ADAMTS12: variants seen among roughly 807,000 people sequenced by gnomAD.
The protein encoded by ADAMTS12 is A disintegrin and metalloproteinase with thrombospondin motifs 12.
ADAMTS12 carries 118 observed loss-of-function variants against 167.8 expected under a neutral mutation model. The observed-to-expected ratio is 0.70, with a 90% CI of 0.61 to 0.82. The LOEUF (loss-of-function observed/expected upper bound fraction) is 0.82. Among genes scored for constraint, ADAMTS12 ranks in the 40% least tolerant of loss-of-function variants. The pLI, the probability that ADAMTS12 is intolerant of heterozygous loss-of-function variation, is 0.00. For missense variants in ADAMTS12, 1,916 were observed against 1,998.8 expected (o/e 0.96, Z 0.79); for synonymous variants, 704 against 716.9 (o/e 0.98, Z 0.29).
chr5:33,661,495 T>C (rs1335812080), intron 6 of ADAMTS12, among the ~76,000 whole-genome samples: 3 of 152,212 alleles, frequency 2.0e-5, no homozygotes, highest in Admixed American at 2.0e-4. Flanking sequence ...TACAGATTTC[T>C]GTAAAGATAT....
chr5:33,718,842 T>C (rs1408171295), intron 3 of ADAMTS12, among the ~76,000 whole-genome samples: 2 of 152,200 alleles, frequency 1.3e-5, no homozygotes, highest in African/African-American at 2.4e-5. Context: ...CCTGAAAATA[T>C]TGCATGCACT....
At chr5:33,884,477 G>A (rs1326492561) in intron 1 of ADAMTS12, among the ~76,000 whole-genome samples, 1 of 152,130 alleles carries the variant, frequency 6.6e-6, no homozygotes, top group Admixed American at 6.5e-5. Context: ...AGTATTTTAA[G>A]GCTAAAATGC....
At chr5:33,767,975 A>T (rs977589776) in intron 2 of ADAMTS12, among the ~76,000 whole-genome samples, 2 of 152,242 alleles carry the variant, frequency 1.3e-5, no homozygotes, top group Non-Finnish European at 2.9e-5. Flanking sequence ...GCAACAGTAC[A>T]GGGTGAGAGA....
At chr5:33,888,957 C>T (rs2111808532) in intron 1 of ADAMTS12, among the ~76,000 whole-genome samples, 1 of 152,282 alleles carries the variant, frequency 6.6e-6, no homozygotes, top group African/African-American at 2.4e-5. Context: ...CATACTCCTT[C>T]CAACGACTAA....
chr5:33,747,206 G>C (rs535206128), intron 3 of ADAMTS12, among the ~76,000 whole-genome samples: 4 of 152,208 alleles, frequency 2.6e-5, no homozygotes, highest in Admixed American at 2.0e-4. Context: ...AGCAAACAAA[G>C]TAAGTAAAGT....
chr5:33,616,778 T>C (rs190123026), intron 14 of ADAMTS12, among the ~76,000 whole-genome samples: 1 of 152,338 alleles, frequency 6.6e-6, no homozygotes, highest in Non-Finnish European at 1.5e-5. Flanking sequence ...AAAAGCATCA[T>C]AGGTTGACAT....
chr5:33,798,110 C>A (rs1241914547), intron 2 of ADAMTS12, among the ~76,000 whole-genome samples: 1 of 151,996 alleles, frequency 6.6e-6, no homozygotes, highest in Non-Finnish European at 1.5e-5. Context: ...AAAACAAGTA[C>A]ATTTTAAGTT....
At chr5:33,643,210 T>C (rs918257876) in intron 10 of ADAMTS12, among the ~76,000 whole-genome samples, 168 bp downstream of exon 10, 1 of 152,188 alleles carries the variant, frequency 6.6e-6, no homozygotes, top group Non-Finnish European at 1.5e-5. Context: ...CAAAGCAGGT[T>C]CACCAGGAGT....
At chr5:33,735,534 G>C (rs1744338868) in intron 3 of ADAMTS12, among the ~76,000 whole-genome samples, 1 of 152,148 alleles carries the variant, frequency 6.6e-6, no homozygotes, top group Non-Finnish European at 1.5e-5. Flanking sequence ...TAGCTATCAG[G>C]CTGTACAAAA....
At chr5:33,817,481 T>C (rs1177736127) in intron 2 of ADAMTS12, among the ~76,000 whole-genome samples, 1 of 152,172 alleles carries the variant, frequency 6.6e-6, no homozygotes. Flanking sequence ...GTTCTTTATA[T>C]TGTTATTATG....
intron 18 of ADAMTS12, among the ~76,000 whole-genome samples, chr5:33,581,389 G>A (rs548459772): frequency 1.6e-4 from 25 of 152,228 alleles, no homozygotes; most frequent in African/African-American, 3.1e-4. Flanking sequence ...GCCTCTTGTC[G>A]GGGAACCCAC....
At chr5:33,698,613 C>T (rs1250026200) in intron 3 of ADAMTS12, among the ~76,000 whole-genome samples, 2 of 41,210 alleles carry the variant, frequency 4.9e-5, no homozygotes, top group African/African-American at 1.8e-4. Flanking sequence ...GGTAAGAGGG[C>T]AGATATCACT....
At chr5:33,535,065 C>T in intron 22 of ADAMTS12, 73 bp from the exon 23 acceptor site, 1 of 1,438,734 alleles carries the variant, frequency 7.0e-7, no homozygotes, top group Non-Finnish European at 9.3e-7. Flanking sequence ...AGAACACCTC[C>T]AATCCCACTG....
intron 2 of ADAMTS12, among the ~76,000 whole-genome samples, chr5:33,840,514 C>T (rs561445778): frequency 6.6e-6 from 1 of 152,322 alleles, no homozygotes; most frequent in South Asian, 2.1e-4. Context: ...CCTGTTTCCT[C>T]TTCTCAACTG....
chr5:33,592,283 C>CA (rs199768720), intron 17 of ADAMTS12, among the ~76,000 whole-genome samples: 1,959 of 151,406 alleles, frequency 0.013, 30 homozygotes, highest in South Asian at 0.067. Context: ...CAAAACAAAA[C>CA]AAAAAAAACT....
Position 33,749,709 on chromosome 5 carries a change from A to C in ADAMTS12, c.634+1695T>G, listed in dbSNP as rs74977711. On this transcript the variant is annotated intron_variant, in intron 3 of 23. Coordinates refer to ENST00000504830, the MANE Select transcript of ADAMTS12 (RefSeq NM_030955.4). ...AGATCGGCCTAGAAGAACAACATTA[A>C]ATGGGATGACAAACATAATTGTGGT... Among the ~76,000 whole-genome samples, 258 of 152,296 alleles carry C rather than the reference A, an allele frequency of 1.7e-3. 1 individual carries two copies. Among genetic ancestry groups the C allele is most frequent in the African/African-American group, 5.9e-3 (245 of 41,558 alleles).
chr5:33,543,910 G>T (rs560034275), intron 22 of ADAMTS12, among the ~76,000 whole-genome samples: 5 of 152,078 alleles, frequency 3.3e-5, no homozygotes, highest in Non-Finnish European at 7.4e-5. Flanking sequence ...ATATTATACT[G>T]AATAGGCAAA....
At chr5:33,765,121 A>G (rs1478444755) in intron 2 of ADAMTS12, among the ~76,000 whole-genome samples, 2 of 152,198 alleles carry the variant, frequency 1.3e-5, no homozygotes, top group Non-Finnish European at 2.9e-5. Flanking sequence ...TAAAGTACAG[A>G]AAATTTAAAA....
chr5:33,793,066 T>C (rs1038730302), intron 2 of ADAMTS12, among the ~76,000 whole-genome samples: 1 of 152,250 alleles, frequency 6.6e-6, no homozygotes, highest in African/African-American at 2.4e-5. Context: ...TGTGCCACAG[T>C]GGATCACTGG....
Sources: allele counts gnomAD v4.1 joint callset (sites outside exome capture counted in the v4.1 genomes callset), GRCh38; gene constraint gnomAD v4.1.1; transcripts MANE v1.5; gene names NCBI Gene and HGNC (gene_info 2026-07-23, HGNC 2026-07-21).